Variants in GRIA1 observed in about 807,000 individuals in gnomAD.
The protein encoded by GRIA1 is glutamate ionotropic receptor AMPA type subunit 1.
In GRIA1, 31 loss-of-function variants were observed where a neutral mutation model predicts 99.2. The observed-to-expected ratio is 0.31, with a 90% CI of 0.23 to 0.42. The LOEUF (loss-of-function observed/expected upper bound fraction) is 0.42, where lower values mean the gene tolerates loss of function less well. Ranked by LOEUF, GRIA1 falls within the 10% of genes least tolerant of loss-of-function variation. The probability of loss-of-function intolerance (pLI) is 1.00; values close to 1 mark genes in which losing one functional copy is unlikely to be tolerated. For synonymous variants in GRIA1, 438 were observed against 432.4 expected, an observed-to-expected ratio of 1.01 and a Z score of -0.16; for missense variants, 782 against 1,157.5, an observed-to-expected ratio of 0.68 and a Z score of 4.71.
At chr5:153,773,414 A>G (rs2149623171) in intron 13 of GRIA1, among the ~76,000 whole-genome samples, 1 of 152,290 alleles carries the variant, frequency 6.6e-6, no homozygotes, top group East Asian at 1.9e-4. Flanking sequence ...CATGAGCCAA[A>G]TAACCACCAA....
intron 8 of GRIA1, among the ~76,000 whole-genome samples, chr5:153,690,867 C>T (rs1057074695): frequency 3.3e-5 from 5 of 152,192 alleles, no homozygotes; most frequent in Admixed American, 1.3e-4. Context: ...ACATCTGTGG[C>T]TTCAGGCTTT....
chr5:153,598,338 A>G (rs1764598939), intron 2 of GRIA1, among the ~76,000 whole-genome samples: 1 of 152,278 alleles, frequency 6.6e-6, no homozygotes, highest in East Asian at 1.9e-4. Context: ...GACTGGGTTC[A>G]GTTAAATTAT....
At chr5:153,707,407 T>C (rs1320292228) in intron 11 of GRIA1, among the ~76,000 whole-genome samples, 2 of 152,244 alleles carry the variant, frequency 1.3e-5, no homozygotes, top group Non-Finnish European at 2.9e-5. Context: ...TTCTTCTGAC[T>C]ACATTCTGGA....
At chr5:153,673,082 C>T (rs55903771) in intron 5 of GRIA1, among the ~76,000 whole-genome samples, 54,908 of 152,016 alleles carry the variant, frequency 0.36, 10,797 homozygotes, top group Middle Eastern at 0.44. Flanking sequence ...AATTTGACCT[C>T]CTTTCCCACC....
intron 9 of GRIA1, 84 bp from the exon 10 acceptor site, chr5:153,698,783 A>G (rs1758303291): frequency 1.7e-5 from 15 of 861,104 alleles, no homozygotes. Flanking sequence ...TTAACCAAAC[A>G]TGATATTATG....
intron 7 of GRIA1, among the ~76,000 whole-genome samples, chr5:153,684,974 C>T (rs369472031): frequency 8.5e-5 from 13 of 152,310 alleles, no homozygotes; most frequent in Middle Eastern, 3.4e-3. Context: ...CACACACACA[C>T]GCATTCTCTC....
intron 2 of GRIA1, among the ~76,000 whole-genome samples, chr5:153,611,529 C>A (rs1561688687): frequency 6.6e-6 from 1 of 152,190 alleles, no homozygotes. Flanking sequence ...GATATCTCTG[C>A]AGCCATAATC....
chr5:153,768,770 CTA>C (rs1763689459), intron 12 of GRIA1, among the ~76,000 whole-genome samples: 1 of 152,152 alleles, frequency 6.6e-6, no homozygotes, highest in Non-Finnish European at 1.5e-5. Context: ...AATCTGAAAT[CTA>C]TATATTAACA....
chr5:153,727,486 C>A (rs1581549695), intron 11 of GRIA1, among the ~76,000 whole-genome samples: 2 of 152,092 alleles, frequency 1.3e-5, no homozygotes, highest in African/African-American at 4.8e-5. Flanking sequence ...TCTAGAAAAC[C>A]CCATTGTCTC....
At chr5:153,576,307 C>T (rs12515594) in intron 2 of GRIA1, among the ~76,000 whole-genome samples, 21,493 of 152,100 alleles carry the variant, frequency 0.14, 1,707 homozygotes, top group South Asian at 0.3. Flanking sequence ...TTAGGAAATG[C>T]TTCCTTGGGA....
At chr5:153,516,006 G>T (rs1349047115) in intron 2 of GRIA1, among the ~76,000 whole-genome samples, 1 of 152,126 alleles carries the variant, frequency 6.6e-6, no homozygotes, top group Non-Finnish European at 1.5e-5. Context: ...GGATCATGAG[G>T]TCAGGAGATT....
intron 8 of GRIA1, among the ~76,000 whole-genome samples, chr5:153,689,469 G>A (rs779221196): frequency 2.0e-5 from 3 of 152,180 alleles, no homozygotes; most frequent in Non-Finnish European, 2.9e-5. Context: ...TATGGATGTC[G>A]AACTGTTTTC....
intron 2 of GRIA1, among the ~76,000 whole-genome samples, chr5:153,576,112 G>A (rs957963436): frequency 6.6e-6 from 1 of 152,134 alleles, no homozygotes; most frequent in Non-Finnish European, 1.5e-5. Context: ...TCTAACTTCT[G>A]TGAGCCTCAG....
At chr5:153,534,629 G>T (rs570254094) in intron 2 of GRIA1, among the ~76,000 whole-genome samples, 1 of 152,176 alleles carries the variant, frequency 6.6e-6, no homozygotes, top group Non-Finnish European at 1.5e-5. Flanking sequence ...ACAGTATCAC[G>T]TTGTGGAGTA....
Position 153,490,879 on chromosome 5 carries a change from A to G in GRIA1, c.-10A>G. 6.2e-7 allele frequency: 1 copy of G among 1,610,984 alleles called. No individual in the cohort carries two copies. The highest frequency in any genetic ancestry group is 1.1e-5 in the South Asian group (1 of 90,980). On this transcript the variant is annotated 5_prime_UTR_variant, in exon 1 of 16. Transcript: ENST00000285900. Reference sequence around the variant, plus strand: ...ACCTGGGCTTCTTTTTCGCCAATGCAAAAAGGAATATGCAGCACATTTTTG... The same window carrying G: ...ACCTGGGCTTCTTTTTCGCCAATGCGAAAAGGAATATGCAGCACATTTTTG...
At chr5:153,539,135 A>T in intron 2 of GRIA1, among the ~76,000 whole-genome samples, 1 of 152,228 alleles carries the variant, frequency 6.6e-6, no homozygotes, top group East Asian at 1.9e-4. Context: ...TATTTATCAT[A>T]TCTGTGCATT....
intron 2 of GRIA1, among the ~76,000 whole-genome samples, chr5:153,521,060 AAC>A (rs1435449368): frequency 6.6e-6 from 1 of 152,202 alleles, no homozygotes; most frequent in African/African-American, 2.4e-5. Flanking sequence ...AGAATTCAAA[AAC>A]AAATGAGGAA....
At chr5:153,750,898 C>A (rs1421528589) in intron 11 of GRIA1, among the ~76,000 whole-genome samples, 3 of 151,958 alleles carry the variant, frequency 2.0e-5, no homozygotes, top group Non-Finnish European at 4.4e-5. Flanking sequence ...GAGATCGAGA[C>A]CATCCTGGCC....
chr5:153,767,709 A>C (rs17615205), intron 12 of GRIA1, among the ~76,000 whole-genome samples: 12,901 of 152,220 alleles, frequency 0.085, 770 homozygotes, highest in Non-Finnish European at 0.12. Context: ...ATGACAGCCC[A>C]GAACTTCTTG....
Sources: gnomAD v4.1 joint callset for allele counts (sites outside exome capture counted in the v4.1 genomes callset) on GRCh38, gnomAD v4.1.1 for gene constraint, MANE v1.5 for transcripts, NCBI Gene and HGNC (gene_info 2026-07-23, HGNC 2026-07-21) for gene names.